The following IPP variants were observed in gnomAD, a reference collection of about 807,000 sequenced individuals.
IPP encodes the protein intracisternal A particle-promoted polypeptide.
A neutral mutation model predicts 64.1 loss-of-function variants in IPP; 41 were observed. The ratio of observed to expected loss-of-function variants is 0.64; its 90% CI spans 0.50 to 0.83. The LOEUF (loss-of-function observed/expected upper bound fraction) is 0.83. Among genes scored for constraint, IPP ranks in the 40% least tolerant of loss-of-function variants. The pLI is 0.00. For synonymous variants in IPP, 214 were observed against 235.2 expected (o/e 0.91, Z 0.83); for missense variants, 649 against 703.0 (o/e 0.92, Z 0.87).
At chr1:45,713,307 T>C (rs951712890) in intron 8 of IPP, among the ~76,000 whole-genome samples, 8 of 151,996 alleles carry the variant, frequency 5.3e-5, no homozygotes, top group Non-Finnish European at 1.2e-4. Flanking sequence ...ATGCCTGTAA[T>C]CCCAGCACTT....
In IPP at chr1:45,741,062, C is replaced by A; in HGVS notation, c.563G>T (p.Arg188Leu). 6.2e-7 allele frequency: 1 copy of A among 1,614,114 alleles called. No homozygotes were observed. The highest frequency in any genetic ancestry group is 8.5e-7 in the Non-Finnish European group (1 of 1,179,988). The change falls in exon 3 of 9, where the codon CGA becomes CTA. Residue 188 changes from arginine to leucine, a missense_variant. Physicochemically the swap from Arg to Leu is moderately radical, Grantham distance 102. Transcript: ENST00000396478. Reference protein sequence around the residue: ...LTKDQLIKILRSEELSIEDEY... With the variant: ...LTKDQLIKILLSEELSIEDEY... Reference sequence around the variant, plus strand: ...ATCCTCAATGCTAAGCTCTTCACTTCGCAAAATTTTGATCAGCTGATCTTT... The same window carrying A: ...ATCCTCAATGCTAAGCTCTTCACTTAGCAAAATTTTGATCAGCTGATCTTT...
intron 3 of IPP, among the ~76,000 whole-genome samples, chr1:45,740,260 CTT>C (rs1312721404): frequency 6.6e-6 from 1 of 152,236 alleles, no homozygotes; most frequent in Non-Finnish European, 1.5e-5. Flanking sequence ...ATTTCTCAAT[CTT>C]TTCCCCACCT....
rs1157012011 is a variant in IPP, at chr1:45,699,794, C to T, written c.*172G>A. On this transcript the variant is annotated 3_prime_UTR_variant, in exon 9 of 9. Coordinates refer to ENST00000396478, the MANE Select transcript of IPP (RefSeq NM_005897.3). ...CCTTCTGCCTCAGCCTTCCAAAGTG[C>T]TGGGATTATAGGCATGAGGCCACTG... 1 of 1,416,674 alleles carries T rather than the reference C, an allele frequency of 7.1e-7. No homozygotes were observed. The highest frequency in any genetic ancestry group is 9.2e-7 in the Non-Finnish European group (1 of 1,086,258). 87.8% of individuals were successfully genotyped at this position (1,416,674 alleles called of 1,614,324 possible).
At chr1:45,746,775 CAG>C (rs1332898911) in intron 1 of IPP, among the ~76,000 whole-genome samples, 1 of 152,072 alleles carries the variant, frequency 6.6e-6, no homozygotes, top group East Asian at 1.9e-4. Context: ...AACACAAAGA[CAG>C]AAAGTTAACA....
At chr1:45,727,596 G>A (rs763103736) in intron 5 of IPP, 35 bp downstream of exon 5, 54 of 1,362,348 alleles carry the variant, frequency 4.0e-5, no homozygotes, top group Non-Finnish European at 4.9e-5. Flanking sequence ...TAGCCAACAA[G>A]ACTAATTAAG....
chr1:45,749,947 G>A (rs10789471), intron 1 of IPP, among the ~76,000 whole-genome samples: 42,766 of 152,070 alleles, frequency 0.28, 6,150 homozygotes, highest in South Asian at 0.36. Context: ...CGGCTACTTG[G>A]GAGGCTGAGG....
chr1:45,711,933 T>C (rs1645596313), intron 8 of IPP, among the ~76,000 whole-genome samples: 1 of 152,144 alleles, frequency 6.6e-6, no homozygotes, highest in Admixed American at 6.6e-5. Flanking sequence ...TCCATAATTA[T>C]AGATGGACAT....
At chr1:45,745,111 A>G (rs1011964508) in intron 2 of IPP, among the ~76,000 whole-genome samples, 1 of 152,132 alleles carries the variant, frequency 6.6e-6, no homozygotes, top group African/African-American at 2.4e-5. Flanking sequence ...GTTGTCCTGC[A>G]TAGTCTTGAG....
intron 8 of IPP, among the ~76,000 whole-genome samples, chr1:45,707,039 A>C (rs1355175469): frequency 6.6e-6 from 1 of 152,240 alleles, no homozygotes; most frequent in East Asian, 1.9e-4. Context: ...TAGGAGTTTG[A>C]TGCCACCCTG....
At chr1:45,711,044 A>G (rs1645583036) in intron 8 of IPP, among the ~76,000 whole-genome samples, 1 of 147,804 alleles carries the variant, frequency 6.8e-6, no homozygotes, top group African/African-American at 2.5e-5. Context: ...AAAAAAAAAG[A>G]CCACAACTGG....
At chr1:45,750,533 G>A (rs1570071709) in intron 1 of IPP, 64 bp downstream of exon 1, 1 of 152,362 alleles carries the variant, frequency 6.6e-6, no homozygotes, top group Non-Finnish European at 1.5e-5. Context: ...CGGAAAGCCG[G>A]AGGGAGTAGA....
At chr1:45,726,873 G>A (rs55659201) in intron 5 of IPP, among the ~76,000 whole-genome samples, 28,494 of 151,376 alleles carry the variant, frequency 0.19, 3,034 homozygotes, top group Non-Finnish European at 0.24. Context: ...ACCAGCACCC[G>A]CCACCATGCC....
chr1:45,738,850 A>AACCAAAAAAAAC (rs1646017045), intron 3 of IPP, among the ~76,000 whole-genome samples: 1 of 139,130 alleles, frequency 7.2e-6, no homozygotes, highest in Non-Finnish European at 1.5e-5. Context: ...AAAAAAAAAA[A>AACCAAAAAAAAC]AAAAAAAAAA....
chr1:45,736,050 G>A (rs1385958364), intron 3 of IPP, among the ~76,000 whole-genome samples: 1 of 151,230 alleles, frequency 6.6e-6, no homozygotes, highest in Non-Finnish European at 1.5e-5. Context: ...GGCGGAGGTT[G>A]CAGTGAGCCG....
intron 3 of IPP, among the ~76,000 whole-genome samples, chr1:45,739,288 C>A (rs924346596): frequency 4.6e-5 from 7 of 151,996 alleles, no homozygotes; most frequent in Non-Finnish European, 8.8e-5. Context: ...GGCTGGAGAG[C>A]AATGGCACAA....
At chr1:45,698,456 A>C (rs985392781), downstream of IPP, among the ~76,000 whole-genome samples, 3 of 152,164 alleles carry the variant, frequency 2.0e-5, no homozygotes, top group African/African-American at 7.2e-5. Context: ...GAAAATGAGA[A>C]GTTTTGAGAA....
At chr1:45,749,527 T>TTTTGTTTTTTG in intron 1 of IPP, among the ~76,000 whole-genome samples, 1 of 77,982 alleles carries the variant, frequency 1.3e-5, no homozygotes, top group East Asian at 4.2e-4. Context: ...TGTTTTTTGT[T>TTTTGTTTTTTG]TTTTTTTTTT....
downstream of IPP, chr1:45,695,094 AT>A (rs1305480948): frequency 6.6e-6 from 1 of 152,504 alleles, no homozygotes; most frequent in Non-Finnish European, 1.5e-5. Context: ...GCATTTCACC[AT>A]GTTGGACAGG....
At chr1:45,703,838 C>G (rs769697383) in intron 8 of IPP, among the ~76,000 whole-genome samples, 6 of 152,180 alleles carry the variant, frequency 3.9e-5, no homozygotes, top group African/African-American at 1.2e-4. Flanking sequence ...ATTTATTTCT[C>G]GTATTCCTCA....
Sources: gnomAD v4.1 joint callset for allele counts (sites outside exome capture counted in the v4.1 genomes callset) on GRCh38, gnomAD v4.1.1 for gene constraint, MANE v1.5 for transcripts, NCBI Gene and HGNC (gene_info 2026-07-23, HGNC 2026-07-21) for gene names.